UNC5D: variants seen among roughly 807,000 people sequenced by gnomAD.
The protein encoded by UNC5D is unc-5 netrin receptor D.
UNC5D carries 39 observed loss-of-function variants against 105.4 expected under a neutral mutation model. The ratio of observed to expected loss-of-function variants is 0.37; its 90% CI spans 0.29 to 0.48. UNC5D has a LOEUF of 0.48. Among genes scored for constraint, UNC5D ranks in the 20% least tolerant of loss-of-function variants. UNC5D has a pLI of 0.98. For missense variants in UNC5D, 991 were observed against 1,202.4 expected (o/e 0.82, Z 2.60); for synonymous variants, 452 against 450.4 (o/e 1.00, Z -0.04).
chr8:35,686,777 G>A (rs1826036500), intron 7 of UNC5D, 68 bp downstream of exon 7: 1 of 1,495,562 alleles, frequency 6.7e-7, no homozygotes, highest in African/African-American at 1.4e-5. Flanking sequence ...AAGAAAGTAA[G>A]CTACAGCCAT....
At chr8:35,550,891 G>A (rs1816083011) in intron 2 of UNC5D, among the ~76,000 whole-genome samples, 1 of 152,180 alleles carries the variant, frequency 6.6e-6, no homozygotes, top group South Asian at 2.1e-4. Flanking sequence ...ACAAACATTA[G>A]TAAATGAAGA....
intron 1 of UNC5D, among the ~76,000 whole-genome samples, chr8:35,485,857 A>G (rs1479171228): frequency 6.6e-6 from 1 of 152,190 alleles, no homozygotes; most frequent in Non-Finnish European, 1.5e-5. Flanking sequence ...AGGGGAGATG[A>G]TCGAAGAATG....
intron 14 of UNC5D, among the ~76,000 whole-genome samples, chr8:35,764,353 G>A (rs1232852489): frequency 1.3e-5 from 2 of 152,126 alleles, no homozygotes; most frequent in Non-Finnish European, 2.9e-5. Context: ...GGCAGTTGGG[G>A]CACGTGTGAG....
chr8:35,482,752 G>A (rs1810561353), intron 1 of UNC5D, among the ~76,000 whole-genome samples: 1 of 146,144 alleles, frequency 6.8e-6, no homozygotes, highest in Non-Finnish European at 1.5e-5. Context: ...TAATTTGCAA[G>A]GTAACTACAA....
At chr8:35,683,923 A>G (rs916234486) in intron 5 of UNC5D, among the ~76,000 whole-genome samples, 196 bp downstream of exon 5, 1 of 152,140 alleles carries the variant, frequency 6.6e-6, no homozygotes, top group African/African-American at 2.4e-5. Flanking sequence ...GTTCCTTCCA[A>G]TATTGCACTT....
intron 1 of UNC5D, among the ~76,000 whole-genome samples, chr8:35,366,120 G>A (rs1015699695): frequency 6.6e-5 from 10 of 152,134 alleles, no homozygotes; most frequent in African/African-American, 2.4e-4. Flanking sequence ...GGATTCCTGG[G>A]ATGCTTGGCC....
chr8:35,686,796 T>C, intron 7 of UNC5D, 87 bp downstream of exon 7: 3 of 1,472,166 alleles, frequency 2.0e-6, no homozygotes, highest in Non-Finnish European at 2.7e-6. Flanking sequence ...ATTAATGTGG[T>C]TAAATAAGTT....
At chr8:35,703,202 C>G (rs1441395383) in intron 7 of UNC5D, among the ~76,000 whole-genome samples, 1 of 150,298 alleles carries the variant, frequency 6.7e-6, no homozygotes, top group African/African-American at 2.4e-5. Context: ...TTTTTTTACT[C>G]TGACAATGAT....
rs144093754 is a variant in UNC5D, at chr8:35,257,204, C to T, written c.103+21317C>T. ...TCAGGTGATCACGATCTCCTGACCT[C>T]GTGATCCACCTGCCTCGGCCTCCCA... On this transcript the variant is annotated intron_variant, in intron 1 of 16. Transcript: ENST00000404895. 1.1e-3 allele frequency among the ~76,000 whole-genome samples: 170 copies of T among 152,112 alleles called. 1 individual carries two copies. Among genetic ancestry groups the T allele is most frequent in the African/African-American group, 4.1e-3 (169 of 41,514 alleles).
chr8:35,686,986 T>C (rs1450996427), intron 7 of UNC5D, among the ~76,000 whole-genome samples: 1 of 152,150 alleles, frequency 6.6e-6, no homozygotes, highest in Non-Finnish European at 1.5e-5. Flanking sequence ...GTTAAGAAAA[T>C]ACTTCAGACT....
intron 12 of UNC5D, 145 bp from the exon 13 acceptor site, chr8:35,750,437 A>C: frequency 1.2e-6 from 1 of 804,020 alleles, no homozygotes; most frequent in Non-Finnish European, 2.0e-6. Context: ...TAGAAGAGGA[A>C]CAGTTAACAT....
chr8:35,300,192 A>G (rs1199910815), intron 1 of UNC5D, among the ~76,000 whole-genome samples: 2 of 152,042 alleles, frequency 1.3e-5, no homozygotes, highest in African/African-American at 4.8e-5. Context: ...TCACGCCTGT[A>G]ATCCCAGCAT....
chr8:35,443,420 G>A (rs938563885), intron 1 of UNC5D, among the ~76,000 whole-genome samples: 5 of 151,822 alleles, frequency 3.3e-5, no homozygotes, highest in Admixed American at 6.6e-5. Flanking sequence ...AAAAAGTTGT[G>A]AAACAGTGAG....
intron 1 of UNC5D, among the ~76,000 whole-genome samples, chr8:35,514,592 C>T (rs1812993297): frequency 6.6e-6 from 1 of 152,176 alleles, no homozygotes; most frequent in Admixed American, 6.5e-5. Flanking sequence ...AGAGATGCTA[C>T]TAACAAAGTA....
chr8:35,633,481 C>T (rs1173903148), intron 4 of UNC5D, among the ~76,000 whole-genome samples: 1 of 151,874 alleles, frequency 6.6e-6, no homozygotes, highest in Non-Finnish European at 1.5e-5. Flanking sequence ...GGCACGGTGG[C>T]TCACACCTGT....
At chr8:35,590,139 C>T (rs969859110) in intron 3 of UNC5D, among the ~76,000 whole-genome samples, 3 of 152,126 alleles carry the variant, frequency 2.0e-5, no homozygotes, top group South Asian at 2.1e-4. Flanking sequence ...CACGTCCCTT[C>T]GCCATTTTAT....
At chr8:35,650,703 C>T (rs958742764) in intron 4 of UNC5D, among the ~76,000 whole-genome samples, 9 of 151,996 alleles carry the variant, frequency 5.9e-5, no homozygotes, top group African/African-American at 2.2e-4. Context: ...AACTTCTGAC[C>T]TCAGGTGATC....
intron 1 of UNC5D, among the ~76,000 whole-genome samples, chr8:35,487,851 G>A (rs1020901237): frequency 6.6e-6 from 1 of 152,190 alleles, no homozygotes; most frequent in East Asian, 1.9e-4. Flanking sequence ...CATAGTGGAC[G>A]TGGGAGGACA....
chr8:35,467,770 C>G (rs994296750), intron 1 of UNC5D, among the ~76,000 whole-genome samples: 2 of 152,042 alleles, frequency 1.3e-5, no homozygotes, highest in African/African-American at 4.8e-5. Flanking sequence ...TTCAAGATTA[C>G]CAAGCACTAT....
Sources: allele counts gnomAD v4.1 joint callset (sites outside exome capture counted in the v4.1 genomes callset), GRCh38; gene constraint gnomAD v4.1.1; transcripts MANE v1.5; gene names NCBI Gene and HGNC (gene_info 2026-07-23, HGNC 2026-07-21).